RBFOX1: variants seen among roughly 807,000 people sequenced by gnomAD.
RBFOX1 encodes RNA binding fox-1 homolog 1, also known as RNA binding protein fox-1 homolog 1.
A neutral mutation model predicts 57.7 loss-of-function variants in RBFOX1; 8 were observed. That is an observed-to-expected ratio of 0.14 (90% CI 0.08 to 0.25). The LOEUF is 0.25. Among genes scored for constraint, RBFOX1 ranks in the 10% least tolerant of loss-of-function variants. The pLI is 1.00. For missense variants in RBFOX1, 611 were observed against 548.5 expected (o/e 1.11, Z -1.14); for synonymous variants, 326 against 222.4 (o/e 1.47, Z -4.15).
intron 4 of RBFOX1, among the ~76,000 whole-genome samples, chr16:7,502,213 C>T (rs995309818): frequency 6.6e-6 from 1 of 152,144 alleles, no homozygotes; most frequent in Non-Finnish European, 1.5e-5. Context: ...CATCTTTCTA[C>T]AAGTGAGGCG....
chr16:5,822,996 G>A (rs1178955478), intron 3 of RBFOX1, among the ~76,000 whole-genome samples: 1 of 152,200 alleles, frequency 6.6e-6, no homozygotes, highest in Non-Finnish European at 1.5e-5. Flanking sequence ...CAAGCTGTAG[G>A]AACTATGCTG....
intron 4 of RBFOX1, among the ~76,000 whole-genome samples, chr16:7,292,854 A>G (rs1036922717): frequency 1.3e-5 from 2 of 152,146 alleles, no homozygotes; most frequent in Non-Finnish European, 2.9e-5. Flanking sequence ...GTTTGGAAAG[A>G]TGGCTTGATA....
chr16:6,918,362 G>C (rs1429080421), intron 3 of RBFOX1, among the ~76,000 whole-genome samples: 2 of 151,878 alleles, frequency 1.3e-5, no homozygotes, highest in Non-Finnish European at 2.9e-5. Flanking sequence ...TGGTGCCATT[G>C]TTTATGAATT....
At chr16:6,936,449 G>A (rs777455703) in intron 3 of RBFOX1, among the ~76,000 whole-genome samples, 1 of 152,142 alleles carries the variant, frequency 6.6e-6, no homozygotes, top group African/African-American at 2.4e-5. Flanking sequence ...GTTAGTGCCT[G>A]TCCTATTATC....
chr16:6,922,462 T>A (rs898917145), intron 3 of RBFOX1, among the ~76,000 whole-genome samples: 1 of 152,214 alleles, frequency 6.6e-6, no homozygotes, highest in African/African-American at 2.4e-5. Context: ...TTCCTGAATT[T>A]GTGGGTGGTT....
chr16:5,689,695 A>G (rs1303484546), intron 3 of RBFOX1, among the ~76,000 whole-genome samples: 1 of 152,112 alleles, frequency 6.6e-6, no homozygotes, highest in Admixed American at 6.6e-5. Context: ...TCAGATATAT[A>G]TTTTTGAACT....
chr16:7,184,363 A>T (rs915681439), intron 4 of RBFOX1, among the ~76,000 whole-genome samples: 2 of 152,216 alleles, frequency 1.3e-5, no homozygotes, highest in African/African-American at 4.8e-5. Context: ...AAAAAAACAG[A>T]TGCAAGTGCA....
intron 3 of RBFOX1, among the ~76,000 whole-genome samples, chr16:6,919,225 C>T (rs1040764620): frequency 7.9e-5 from 12 of 151,970 alleles, no homozygotes; most frequent in African/African-American, 1.2e-4. Context: ...TCAGGTGATC[C>T]GCCCGCCTCA....
intron 3 of RBFOX1, among the ~76,000 whole-genome samples, chr16:6,709,040 C>A (rs1327426081): frequency 1.3e-5 from 2 of 151,940 alleles, no homozygotes; most frequent in Non-Finnish European, 2.9e-5. Context: ...CACCATCTCC[C>A]CAGGTGAGCA....
intron 4 of RBFOX1, among the ~76,000 whole-genome samples, chr16:7,132,727 T>C (rs947237919): frequency 4.6e-5 from 7 of 151,956 alleles, no homozygotes; most frequent in African/African-American, 1.7e-4. Flanking sequence ...AATCAACCAG[T>C]CACAAGAAGA....
At chr16:7,246,339 T>C (rs373648438) in intron 4 of RBFOX1, among the ~76,000 whole-genome samples, 6 of 152,164 alleles carry the variant, frequency 3.9e-5, no homozygotes, top group African/African-American at 1.4e-4. Context: ...CCGTCCTTGC[T>C]CCCTGGCATC....
At chr16:6,543,591 T>G (rs969567194) in intron 2 of RBFOX1, among the ~76,000 whole-genome samples, 2 of 152,130 alleles carry the variant, frequency 1.3e-5, no homozygotes, top group African/African-American at 4.8e-5. Context: ...TTTGGGTTGT[T>G]TTGCTGTTGT....
At chr16:7,600,460 C>G (rs986972320) in intron 9 of RBFOX1, among the ~76,000 whole-genome samples, 1 of 152,030 alleles carries the variant, frequency 6.6e-6, no homozygotes, top group Admixed American at 6.6e-5. Flanking sequence ...AATATAGGGC[C>G]CTTTCATATC....
intron 1 of RBFOX1, among the ~76,000 whole-genome samples, chr16:6,245,757 C>G (rs1567763326): frequency 6.6e-6 from 1 of 152,160 alleles, no homozygotes; most frequent in Non-Finnish European, 1.5e-5. Flanking sequence ...ACATCTGCAG[C>G]TACTCAGCAG....
chr16:5,642,781 G>A (rs181677788), intron 3 of RBFOX1, among the ~76,000 whole-genome samples: 433 of 152,232 alleles, frequency 2.8e-3, no homozygotes, highest in African/African-American at 9.9e-3. Flanking sequence ...CTCTGATGGT[G>A]TTCTCCCCTG....
At chr16:6,986,155 A>G (rs1019480057) in intron 3 of RBFOX1, among the ~76,000 whole-genome samples, 2 of 121,064 alleles carry the variant, frequency 1.7e-5, no homozygotes, top group Admixed American at 1.6e-4. Context: ...TAACCCTTAT[A>G]TACGTCTACC....
Position 7,208,987 on chromosome 16 carries a change from A to G in RBFOX1, c.27+156889A>G, listed in dbSNP as rs527584849. Among the ~76,000 whole-genome samples the G allele has an allele frequency of 2.1e-3, 323 of 152,014 alleles. 3 individuals carry two copies. Among genetic ancestry groups the G allele is most frequent in the Middle Eastern group, 0.017 (5 of 294 alleles). On this transcript the variant is annotated intron_variant, in intron 4 of 15. Transcript: ENST00000550418. ...TCTTCACTTCATCTTCCCTCTATGC[A>G]TGTCTGTGTCCAAAATTTCCTTTTC... is the stretch of plus-strand genomic sequence containing the variant.
chr16:6,156,619 G>A (rs2096840192), intron 1 of RBFOX1, among the ~76,000 whole-genome samples: 1 of 152,096 alleles, frequency 6.6e-6, no homozygotes, highest in Non-Finnish European at 1.5e-5. Flanking sequence ...CCACCTGTGG[G>A]ACAATGCTGA....
At chr16:7,124,560 TC>T (rs1467458440) in intron 4 of RBFOX1, among the ~76,000 whole-genome samples, 1 of 72,560 alleles carries the variant, frequency 1.4e-5, no homozygotes, top group East Asian at 4.9e-4. Context: ...CCTCCCTCCC[TC>T]CCTTCCTTCC....
Sources: gnomAD v4.1 joint callset for allele counts (sites outside exome capture counted in the v4.1 genomes callset) on GRCh38, gnomAD v4.1.1 for gene constraint, MANE v1.5 for transcripts, NCBI Gene and HGNC (gene_info 2026-07-23, HGNC 2026-07-21) for gene names.